Variants in COL4A2 observed in about 807,000 individuals in gnomAD.
COL4A2 encodes collagen alpha-2(IV) chain.
In COL4A2, 99 loss-of-function variants were observed where a neutral mutation model predicts 200.2. The ratio of observed to expected loss-of-function variants is 0.49; its 90% CI spans 0.42 to 0.58. The LOEUF (loss-of-function observed/expected upper bound fraction) is 0.58, where lower values mean the gene tolerates loss of function less well. Among genes scored for constraint, COL4A2 ranks in the 20% least tolerant of loss-of-function variants. COL4A2 has a pLI of 0.00. For missense variants in COL4A2, 1,950 were observed against 2,314.1 expected (o/e 0.84, Z 3.23); for synonymous variants, 897 against 900.6 (o/e 1.00, Z 0.07).
At chr13:110,400,987 C>T (rs1157974725) in intron 4 of COL4A2, among the ~76,000 whole-genome samples, 4 of 152,216 alleles carry the variant, frequency 2.6e-5, no homozygotes, top group African/African-American at 9.7e-5. Flanking sequence ...GCTGGACTTC[C>T]GGAATTTTCC....
intron 3 of COL4A2, among the ~76,000 whole-genome samples, chr13:110,356,132 G>T (rs1385190692): frequency 6.6e-6 from 1 of 152,156 alleles, no homozygotes. Flanking sequence ...TGAATGTTGA[G>T]ATCAAGGATG....
rs900206420 is a variant in COL4A2, at chr13:110,413,623, G to C, written c.181-11111G>C. 2.6e-5 allele frequency among the ~76,000 whole-genome samples: 4 copies of C among 152,362 alleles called. No individual in the cohort carries two copies. In the South Asian group the frequency reaches 6.2e-4, roughly 24 times the overall value. ...GGAGAGTGCAGTGCACTGTGCCAGC[G>C]TGGGAAGGGGTGTGCCAGGGCAGTG... On this transcript the variant is annotated intron_variant, in intron 4 of 47. Coordinates refer to ENST00000360467, the MANE Select transcript of COL4A2 (RefSeq NM_001846.4).
intron 41 of COL4A2, 108 bp downstream of exon 41, chr13:110,501,892 G>C (rs1883657465): frequency 8.9e-7 from 1 of 1,121,146 alleles, no homozygotes; most frequent in African/African-American, 1.6e-5. Flanking sequence ...GCTGTGCCCA[G>C]ACTCCGGTCA....
chr13:110,312,060 G>A (rs1353704833), intron 3 of COL4A2, among the ~76,000 whole-genome samples: 2 of 152,220 alleles, frequency 1.3e-5, no homozygotes, highest in Admixed American at 6.5e-5. Flanking sequence ...GATCGGGAAG[G>A]ACAATTCTTT....
chr13:110,404,888 T>C (rs1879505567), intron 4 of COL4A2, among the ~76,000 whole-genome samples: 1 of 152,064 alleles, frequency 6.6e-6, no homozygotes, highest in African/African-American at 2.4e-5. Context: ...TGCCAGCACT[T>C]TGGGAGGCTG....
At chr13:110,449,604 A>G in intron 18 of COL4A2, 75 bp from the exon 19 acceptor site, 1 of 1,370,794 alleles carries the variant, frequency 7.3e-7, no homozygotes. Flanking sequence ...ATATGTAGTC[A>G]ATGAAAAAGT....
chr13:110,485,039 G>T lies in COL4A2; in HGVS notation c.3025+12G>T. 1 of 1,575,042 alleles carries T rather than the reference G, an allele frequency of 6.3e-7. No individual in the cohort carries two copies. The highest frequency in any genetic ancestry group is 1.1e-5 in the South Asian group (1 of 87,548). On this transcript the variant is annotated intron_variant, in intron 33 of 47. Transcript: ENST00000360467. ...CCTGGGCGCAAAAGGTGAGGCTTCT[G>T]ACCTGCAGCCAGGGGCCCCTAGTCC...
chr13:110,400,610 T>C (rs1879338437), intron 4 of COL4A2, among the ~76,000 whole-genome samples: 2 of 152,192 alleles, frequency 1.3e-5, no homozygotes, highest in South Asian at 2.1e-4. Context: ...TGACTATTAA[T>C]TACATCATTT....
chr13:110,452,117 CTGTTTTGTTTGTT>C (rs1881559182), intron 20 of COL4A2, among the ~76,000 whole-genome samples: 1 of 110,400 alleles, frequency 9.1e-6, no homozygotes, highest in African/African-American at 3.5e-5. Context: ...GTCAAAGTCT[CTGTTTTGTTTGTT>C]TGTTTGTTTG....
chr13:110,465,398 C>T lies in COL4A2; in HGVS notation c.1777-7C>T, dbSNP rs3803236. 0.58 allele frequency: 911,955 copies of T among 1,578,806 alleles called. 268,757 individuals are homozygous for T. Among genetic ancestry groups the T allele is most frequent in the Middle Eastern group, 0.67 (3,660 of 5,492 alleles). The stretch of plus-strand genomic sequence containing the variant: ...TATTTTAAGAAATAAACTGAATTTT[C>T]ACACAGGGTGATGGCATCAAGGGCC... On this transcript the variant is annotated splice_polypyrimidine_tract_variant and splice_region_variant and intron_variant, in intron 24 of 47. Coordinates refer to ENST00000360467, the MANE Select transcript of COL4A2 (RefSeq NM_001846.4).
chr13:110,399,103 A>G (rs916479422), intron 4 of COL4A2, among the ~76,000 whole-genome samples: 5 of 152,302 alleles, frequency 3.3e-5, no homozygotes, highest in Admixed American at 2.0e-4. Flanking sequence ...GATGTTTAAG[A>G]AGCAGGTCAA....
chr13:110,391,712 T>C (rs369251150), intron 4 of COL4A2, among the ~76,000 whole-genome samples: 16 of 152,206 alleles, frequency 1.1e-4, no homozygotes, highest in African/African-American at 3.9e-4. Context: ...AGGGTCGTCA[T>C]TGGGATTCGA....
chr13:110,509,837 G>C (rs562663927), intron 47 of COL4A2, among the ~76,000 whole-genome samples: 1 of 152,204 alleles, frequency 6.6e-6, no homozygotes, highest in Non-Finnish European at 1.5e-5. Flanking sequence ...GGTCAGGACA[G>C]ATGGGCCAGA....
chr13:110,443,729 A>G (rs897090274), intron 16 of COL4A2, among the ~76,000 whole-genome samples: 4 of 152,150 alleles, frequency 2.6e-5, no homozygotes, highest in African/African-American at 9.7e-5. Flanking sequence ...GCAGGAGTAC[A>G]GACCTTGCCT....
intron 38 of COL4A2, 130 bp from the exon 39 acceptor site, chr13:110,493,062 CGATGAGTGACACCCCCATG>C: frequency 5.5e-5 from 48 of 865,984 alleles, no homozygotes; most frequent in Middle Eastern, 2.7e-4. Flanking sequence ...GGTGAAATAA[CGATGAGTGACACCCCCATG>C]GGTGAAATAA....
At chr13:110,322,594 C>A (rs1885304232) in intron 3 of COL4A2, among the ~76,000 whole-genome samples, 1 of 152,188 alleles carries the variant, frequency 6.6e-6, no homozygotes, top group African/African-American at 2.4e-5. Flanking sequence ...TGATCGGGTG[C>A]AGGCCTAGAT....
intron 3 of COL4A2, among the ~76,000 whole-genome samples, chr13:110,338,069 T>C (rs1037532895): frequency 6.6e-6 from 1 of 152,240 alleles, no homozygotes; most frequent in African/African-American, 2.4e-5. Context: ...AGGAACTGCG[T>C]ATTGCTCACT....
At chr13:110,393,228 A>C (rs1218820060) in intron 4 of COL4A2, among the ~76,000 whole-genome samples, 1 of 152,248 alleles carries the variant, frequency 6.6e-6, no homozygotes, top group Non-Finnish European at 1.5e-5. Flanking sequence ...TCTTTTCTCT[A>C]ACAAGCTCAT....
chr13:110,470,662 A>T (rs1383940743), intron 28 of COL4A2, among the ~76,000 whole-genome samples: 2 of 152,166 alleles, frequency 1.3e-5, no homozygotes, highest in Admixed American at 1.3e-4. Context: ...AGCGCTCCCC[A>T]TGTCTGGAAT....
Sources: gnomAD v4.1 joint callset for allele counts (sites outside exome capture counted in the v4.1 genomes callset) on GRCh38, gnomAD v4.1.1 for gene constraint, MANE v1.5 for transcripts, NCBI Gene and HGNC (gene_info 2026-07-23, HGNC 2026-07-21) for gene names.